Variants in SLC5A11 observed in about 807,000 individuals in gnomAD.
SLC5A11 encodes the protein solute carrier family 5 member 11.
Under a neutral mutation model 69.8 loss-of-function variants are expected in SLC5A11, and 48 were observed. The ratio of observed to expected loss-of-function variants is 0.69; its 90% CI spans 0.55 to 0.87. The LOEUF (loss-of-function observed/expected upper bound fraction) is 0.87, where lower values mean the gene tolerates loss of function less well. SLC5A11 is among the 40% of genes least tolerant of loss of function. The pLI, the probability that SLC5A11 is intolerant of heterozygous loss-of-function variation, is 0.00. For missense variants in SLC5A11, 784 were observed against 866.1 expected (o/e 0.91, Z 1.19); for synonymous variants, 319 against 342.4 (o/e 0.93, Z 0.75).
intron 5 of SLC5A11, among the ~76,000 whole-genome samples, 182 bp from the exon 7 acceptor site, chr16:24,875,445 G>A (rs970574712): frequency 6.6e-6 from 1 of 152,168 alleles, no homozygotes; most frequent in Non-Finnish European, 1.5e-5. Context: ...GTCTCCCAAA[G>A]TGATGGGAAC....
chr16:24,910,507 A>T, intron 15 of SLC5A11, 30 bp downstream of exon 16: 1 of 1,609,856 alleles, frequency 6.2e-7, no homozygotes, highest in Non-Finnish European at 8.5e-7. Context: ...AGTTACAGCA[A>T]GAAGGAGTAC....
At chr16:24,879,973 G>C (rs576241345) in intron 7 of SLC5A11, among the ~76,000 whole-genome samples, 1 of 152,272 alleles carries the variant, frequency 6.6e-6, no homozygotes, top group African/African-American at 2.4e-5. Context: ...GTAGTATTGT[G>C]ATGAACATAT....
At position 24,911,431 on chromosome 16, in the gene SLC5A11, CAT is replaced by C. The variant is rs770401615; in HGVS notation, c.1928_1929del (p.Ile643SerfsTer?). ...AGCTCCCGGCCAGAGCAGAAGCCAT[CAT>C]AGTTTCCCTGGAAGAAAACCCCTTG... is the stretch of plus-strand genomic sequence containing the variant. On this transcript the variant is annotated frameshift_variant, in exon 16 of 16. Coordinates refer to ENST00000347898, the Ensembl canonical transcript of SLC5A11. LOFTEE classifies it low-confidence loss of function (END_TRUNC). The C allele has an allele frequency of 1.2e-6, 2 of 1,614,024 alleles. No homozygotes were observed. The highest frequency in any genetic ancestry group is 2.7e-5 in the African/African-American group (2 of 74,918).
chr16:24,897,300 A>G (rs2152390527), intron 9 of SLC5A11, among the ~76,000 whole-genome samples: 1 of 152,042 alleles, frequency 6.6e-6, no homozygotes, highest in South Asian at 2.1e-4. Flanking sequence ...CTGTGGTTGG[A>G]TTGCCTTGGG....
chr16:24,890,310 C>A (rs1035966071), intron 8 of SLC5A11, among the ~76,000 whole-genome samples: 3 of 151,420 alleles, frequency 2.0e-5, no homozygotes, highest in African/African-American at 4.9e-5. Context: ...GTGGTGAAAC[C>A]CCATCTCTAC....
chr16:24,909,829 TAA>T (rs3050359), intron 14 of SLC5A11, among the ~76,000 whole-genome samples: 50,344 of 103,456 alleles, frequency 0.49, 12,193 homozygotes, highest in Non-Finnish European at 0.55. Context: ...AGCCTGTCTT[TAA>T]AAAAAAAAAA....
intron 7 of SLC5A11, 27 bp from the exon 9 acceptor site, chr16:24,884,024 C>T: frequency 6.2e-7 from 1 of 1,610,122 alleles, no homozygotes; most frequent in Non-Finnish European, 8.5e-7. Flanking sequence ...GACTCCCTGA[C>T]CCTCACCTCC....
chr16:24,908,250 G>T, intron 13 of SLC5A11, 119 bp downstream of exon 14: 4 of 1,180,056 alleles, frequency 3.4e-6, no homozygotes, highest in East Asian at 2.5e-5. Context: ...TTGAGAGGGA[G>T]GGTGAGTTCC....
rs759791973 is a variant in SLC5A11 at position 24,865,177 on chromosome 16, CAA to C, written c.207+2507_207+2508del. ...ATAATAAACTGCAGTAGAAGAAATT[CAA>C]AGAGACTCATACCTAAATACATCAA... On this transcript the variant is annotated intron_variant, in intron 3 of 15. Coordinates refer to ENST00000347898, the Ensembl canonical transcript of SLC5A11. 2.0e-4 allele frequency among the ~76,000 whole-genome samples: 30 copies of C among 152,192 alleles called. No homozygotes were observed. In the East Asian group the frequency reaches 2.3e-3, roughly 12 times the overall value.
intron 2 of SLC5A11, among the ~76,000 whole-genome samples, chr16:24,861,789 G>A (rs1391225183): frequency 1.4e-5 from 2 of 141,806 alleles, no homozygotes; most frequent in Non-Finnish European, 3.0e-5. Flanking sequence ...AAGGAAGGAA[G>A]GAAGGAAAGA....
chr16:24,878,186 G>A (rs2047809586), intron 7 of SLC5A11, among the ~76,000 whole-genome samples: 1 of 152,210 alleles, frequency 6.6e-6, no homozygotes, highest in Non-Finnish European at 1.5e-5. Context: ...TTTTTAAAAT[G>A]CACCACAATG....
At chr16:24,910,842 A>G (rs1567713936) in intron 15 of SLC5A11, among the ~76,000 whole-genome samples, 1 of 152,098 alleles carries the variant, frequency 6.6e-6, no homozygotes, top group Non-Finnish European at 1.5e-5. Flanking sequence ...GCCCACCTAC[A>G]GTTTCAACAA....
chr16:24,902,393 T>C (rs1181512741), intron 10 of SLC5A11, among the ~76,000 whole-genome samples: 1 of 152,154 alleles, frequency 6.6e-6, no homozygotes, highest in African/African-American at 2.4e-5. Flanking sequence ...ACTGAGCTAG[T>C]GCCAGATGAG....
chr16:24,857,982 T>G (rs1018708086), intron 1 of SLC5A11, among the ~76,000 whole-genome samples: 2 of 152,184 alleles, frequency 1.3e-5, no homozygotes, highest in Non-Finnish European at 2.9e-5. Context: ...GGAGCAAGAT[T>G]ATTGAGTTCA....
chr16:24,874,337 G>T (rs940939233), intron 5 of SLC5A11, among the ~76,000 whole-genome samples: 1 of 152,182 alleles, frequency 6.6e-6, no homozygotes, highest in Non-Finnish European at 1.5e-5. Flanking sequence ...ATTGGTGAGA[G>T]AATCTACCTC....
intron 6 of SLC5A11, among the ~76,000 whole-genome samples, chr16:24,876,633 C>G (rs981506590): frequency 2.0e-5 from 3 of 152,186 alleles, no homozygotes; most frequent in Admixed American, 6.5e-5. Flanking sequence ...TACGCCAGCT[C>G]CAGACTGCAG....
At chr16:24,908,650 G>A (rs144563413) in intron 13 of SLC5A11, among the ~76,000 whole-genome samples, 85 of 150,160 alleles carry the variant, frequency 5.7e-4, no homozygotes, top group African/African-American at 2.0e-3. Flanking sequence ...GTATCTTGAT[G>A]CATTTTTTGT....
intron 7 of SLC5A11, among the ~76,000 whole-genome samples, chr16:24,882,832 G>T (rs1040739667): frequency 6.6e-6 from 1 of 152,036 alleles, no homozygotes; most frequent in African/African-American, 2.4e-5. Context: ...TTTTAGTAGG[G>T]ACAAGGTTTC....
intron 8 of SLC5A11, among the ~76,000 whole-genome samples, chr16:24,888,234 A>G (rs550625817): frequency 6.6e-6 from 1 of 152,152 alleles, no homozygotes; most frequent in Admixed American, 6.6e-5. Flanking sequence ...GTAAATTTTT[A>G]AAAAATCTAG....
Sources: gnomAD v4.1 joint callset for allele counts (sites outside exome capture counted in the v4.1 genomes callset) on GRCh38, gnomAD v4.1.1 for gene constraint, MANE v1.5 for transcripts, NCBI Gene and HGNC (gene_info 2026-07-23, HGNC 2026-07-21) for gene names.